VCPKMT: variants seen among roughly 807,000 people sequenced by gnomAD.
The protein encoded by VCPKMT is protein N-lysine methyltransferase METTL21D.
VCPKMT carries 32 observed loss-of-function variants against 28.6 expected under a neutral mutation model. The ratio of observed to expected loss-of-function variants is 1.12; its 90% confidence interval spans 0.84 to 1.50. The LOEUF (loss-of-function observed/expected upper bound fraction) is 1.50, where lower values mean the gene tolerates loss of function less well. VCPKMT is among the 40% of genes most tolerant of loss of function. The pLI, the probability that VCPKMT is intolerant of heterozygous loss-of-function variation, is 0.00. For missense variants in VCPKMT, 366 were observed against 285.0 expected (o/e 1.28, Z -2.05); for synonymous variants, 138 against 111.4 (o/e 1.24, Z -1.50).
In VCPKMT at chr14:50,114,266, T is replaced by TA. The variant is rs774453380; in HGVS notation, c.570+18dup. The TA allele has an allele frequency of 6.5e-7, 1 of 1,545,054 alleles. No individual in the cohort carries two copies. The highest frequency in any genetic ancestry group is 8.7e-7 in the Non-Finnish European group (1 of 1,151,818). On this transcript the variant is annotated intron_variant, in intron 4 of 5. Coordinates refer to ENST00000395860, the MANE Select transcript of VCPKMT (RefSeq NM_024558.3). The stretch of plus-strand genomic sequence containing the variant: ...TGAAGGGAAATCACTACAAAGATAA[T>TA]AGAGTACTTAATACTTACCTCAAAA...
chr14:50,108,146 G>A (rs1402496235), downstream of VCPKMT, among the ~76,000 whole-genome samples: 2 of 135,268 alleles, frequency 1.5e-5, no homozygotes, highest in East Asian at 4.4e-4. Context: ...CCAAGATTGT[G>A]CCACTACTGC....
downstream of VCPKMT, among the ~76,000 whole-genome samples, chr14:50,107,409 G>A (rs577559224): frequency 6.6e-6 from 1 of 152,124 alleles, no homozygotes; most frequent in African/African-American, 2.4e-5. Flanking sequence ...CCACCTCCAG[G>A]GTTCAAGCTA....
At position 50,116,536 on chromosome 14, in the gene VCPKMT, T is replaced by A. The variant is rs1204163901; in HGVS notation, c.17A>T (p.Glu6Val). 1.9e-6 allele frequency: 3 copies of A among 1,610,414 alleles called. No individual in the cohort carries two copies. Among genetic ancestry groups the A allele is most frequent in the Non-Finnish European group, 2.5e-6 (3 of 1,178,078 alleles). ...CCGCAGTGGGTCCTCCAGCGAGGAC[T>A]CCAGCGTATCCGCCATTGCGCCCGG... MADTL[E>V]SSLEDPLRSF... Residue 6 changes from glutamate to valine, a missense_variant, in exon 1 of 6, where the codon GAG (glutamate) becomes GTG (valine). Transcript: ENST00000395860.
chr14:50,110,744 G>A (rs1275583284), intron 5 of VCPKMT, among the ~76,000 whole-genome samples: 2 of 152,194 alleles, frequency 1.3e-5, no homozygotes, highest in African/African-American at 4.8e-5. Flanking sequence ...GTAGATGAAC[G>A]TCCATAGCAG....
intron 4 of VCPKMT, among the ~76,000 whole-genome samples, chr14:50,113,872 T>G (rs1256902456): frequency 1.4e-5 from 2 of 139,904 alleles, no homozygotes; most frequent in Non-Finnish European, 3.0e-5. Flanking sequence ...GCCCTGACTG[T>G]GCCACTGCAC....
Position 50,109,207 on chromosome 14 carries a change from T to C in VCPKMT, c.*492A>G. The C allele has an allele frequency of 4.5e-6, 4 of 893,854 alleles. No homozygotes were observed. Among genetic ancestry groups the C allele is most frequent in the Non-Finnish European group, 5.4e-6 (4 of 746,266 alleles). 55.4% of individuals were successfully genotyped at this position (893,854 alleles called of 1,614,324 possible). Reference sequence around the variant, plus strand: ...TAAAGATATTTTAAAAGAAATGAAGTGGAAAATACAAATGATAAATATTGT... The same window carrying C: ...TAAAGATATTTTAAAAGAAATGAAGCGGAAAATACAAATGATAAATATTGT... On this transcript the variant is annotated 3_prime_UTR_variant, in exon 6 of 6. Coordinates refer to ENST00000395860, the MANE Select transcript of VCPKMT (RefSeq NM_024558.3).
chr14:50,111,572 C>G, intron 5 of VCPKMT: 2 of 985,304 alleles, frequency 2.0e-6, no homozygotes, highest in Non-Finnish European at 2.4e-6. Context: ...ACCAAAGGTG[C>G]TGGAAATACA....
chr14:50,103,551 G>A, the VCPKMT span, among the ~76,000 whole-genome samples: 1 of 152,138 alleles, frequency 6.6e-6, no homozygotes, highest in Non-Finnish European at 1.5e-5. Context: ...TAATCCTGGA[G>A]CTCCAGCCAG....
chr14:50,114,524 T>C (rs1882964003), intron 3 of VCPKMT, 120 bp from the exon 4 acceptor site: 2 of 677,150 alleles, frequency 3.0e-6, no homozygotes, highest in South Asian at 6.9e-5. Context: ...TTTGAATCAA[T>C]CCAACAAAGC....
Position 50,108,669 on chromosome 14 carries a change from A to G in VCPKMT, c.*1030T>C. 1.0e-6 allele frequency: 1 copy of G among 985,878 alleles called. No homozygotes were observed. The highest frequency in any genetic ancestry group is 1.7e-5 in the African/African-American group (1 of 57,378). 61.1% of individuals were successfully genotyped at this position (985,878 alleles called of 1,614,324 possible). On this transcript the variant is annotated 3_prime_UTR_variant, in exon 6 of 6. Transcript: ENST00000395860. ...AACAATGTTTATTTTAACACATAAAATGTACCATCTAGCACCAATGCCTAT... is the reference window on the plus strand; with the variant it reads ...AACAATGTTTATTTTAACACATAAAGTGTACCATCTAGCACCAATGCCTAT...
At chr14:50,116,219 A>G (rs770654966) in intron 1 of VCPKMT, 40 bp from the exon 2 acceptor site, 55 of 1,612,626 alleles carry the variant, frequency 3.4e-5, no homozygotes, top group South Asian at 3.0e-4. Flanking sequence ...CACAGGGGGG[A>G]AAGCCTGTAA....
rs1341448089 is a variant in VCPKMT at position 50,116,056 on chromosome 14, A to T, written c.377+13T>A. On this transcript the variant is annotated intron_variant, in intron 2 of 5. Coordinates refer to ENST00000395860, the MANE Select transcript of VCPKMT (RefSeq NM_024558.3). ...AATCAATATCTTAAAACAAGCTGAA[A>T]GGCCATACAAACCATTTCAGTACCT... 3 of 1,599,796 alleles carry T rather than the reference A, an allele frequency of 1.9e-6. No individual in the cohort carries two copies. The highest frequency in any genetic ancestry group is 2.6e-6 in the Non-Finnish European group (3 of 1,170,302).
intron 3 of VCPKMT, among the ~76,000 whole-genome samples, chr14:50,115,145 G>GT (rs745531021): frequency 0.037 from 3,325 of 90,072 alleles, 140 homozygotes; most frequent in African/African-American, 0.067. Context: ...ACAAACTGAT[G>GT]TTTTTTTTTT....
intron 5 of VCPKMT, chr14:50,111,964 G>A: frequency 2.0e-6 from 2 of 985,256 alleles, no homozygotes; most frequent in South Asian, 9.4e-5. Context: ...GAGGCAACCT[G>A]CATAAAATGT....
chr14:50,108,943 G>A lies in VCPKMT; in HGVS notation c.*756C>T, dbSNP rs191115168. The A allele has an allele frequency of 4.0e-4, 399 of 985,410 alleles. 2 individuals are homozygous for A. Among genetic ancestry groups the A allele is most frequent in the Admixed American group, 1.7e-3 (27 of 16,286 alleles). 61.0% of individuals were successfully genotyped at this position (985,410 alleles called of 1,614,324 possible). ...CATATACATAAAGTGCATGAGCCAC[G>A]TAAGTGCATAAGCCTGAAACTGGTC... is the stretch of plus-strand genomic sequence containing the variant. On this transcript the variant is annotated 3_prime_UTR_variant, in exon 6 of 6. Coordinates refer to ENST00000395860, the MANE Select transcript of VCPKMT (RefSeq NM_024558.3).
chr14:50,105,806 G>C (rs1882301052), downstream of VCPKMT, among the ~76,000 whole-genome samples: 1 of 152,166 alleles, frequency 6.6e-6, no homozygotes. Flanking sequence ...GACTGGACCT[G>C]CAACAATTTT....
At chr14:50,111,102 C>T in intron 5 of VCPKMT, 1 of 857,038 alleles carries the variant, frequency 1.2e-6, no homozygotes. Flanking sequence ...CTAAAAACCA[C>T]CAAATTGTAC....
the VCPKMT span, among the ~76,000 whole-genome samples, chr14:50,103,530 C>T: frequency 3.3e-5 from 5 of 152,058 alleles, no homozygotes; most frequent in African/African-American, 1.2e-4. Flanking sequence ...GGGTCCAGGG[C>T]GGTGGAATGT....
chr14:50,111,000 CAG>C (rs1202301925), intron 5 of VCPKMT: 1 of 242,278 alleles, frequency 4.1e-6, no homozygotes, highest in African/African-American at 2.3e-5. Context: ...ACGGGGGTAA[CAG>C]GGAGTGACTG....
Sources: allele counts gnomAD v4.1 joint callset (sites outside exome capture counted in the v4.1 genomes callset), GRCh38; gene constraint gnomAD v4.1.1; transcripts MANE v1.5; gene names NCBI Gene and HGNC (gene_info 2026-07-23, HGNC 2026-07-21).